The following MAGI2 variants were observed in gnomAD, a reference collection of about 807,000 sequenced individuals.
The protein encoded by MAGI2 is membrane associated guanylate kinase, WW and PDZ domain containing 2, also known as membrane-associated guanylate kinase, WW and PDZ domain-containing protein 2.
Under a neutral mutation model 133.3 loss-of-function variants are expected in MAGI2, and 35 were observed. The observed-to-expected ratio is 0.26, with a 90% CI of 0.20 to 0.35. The LOEUF is 0.35. Among genes scored for constraint, MAGI2 ranks in the 10% least tolerant of loss-of-function variants. The probability of loss-of-function intolerance (pLI) is 1.00; values close to 1 mark genes in which losing one functional copy is unlikely to be tolerated. For missense variants in MAGI2, 1,636 were observed against 1,863.4 expected, an observed-to-expected ratio of 0.88 and a Z score of 2.25; for synonymous variants, 729 against 710.6, an observed-to-expected ratio of 1.03 and a Z score of -0.41.
At chr7:78,207,771 C>T (rs1787251466) in intron 10 of MAGI2, among the ~76,000 whole-genome samples, 1 of 152,214 alleles carries the variant, frequency 6.6e-6, no homozygotes, top group Non-Finnish European at 1.5e-5. Context: ...ACTGCCAGTA[C>T]TCAAACATCA....
At chr7:78,412,928 G>A (rs190006195) in intron 6 of MAGI2, among the ~76,000 whole-genome samples, 2 of 152,136 alleles carry the variant, frequency 1.3e-5, no homozygotes, top group Admixed American at 1.3e-4. Context: ...CTTCCGAAAG[G>A]TGGCTAACCA....
intron 2 of MAGI2, among the ~76,000 whole-genome samples, chr7:78,813,539 A>G (rs1463624190): frequency 2.0e-5 from 3 of 152,122 alleles, no homozygotes; most frequent in Admixed American, 2.0e-4. Context: ...TAATCCCAAC[A>G]CTTTGGGAGG....
At chr7:78,869,745 C>A (rs1328100978) in intron 2 of MAGI2, among the ~76,000 whole-genome samples, 1 of 152,166 alleles carries the variant, frequency 6.6e-6, no homozygotes, top group Non-Finnish European at 1.5e-5. Flanking sequence ...AGGCAGAAAT[C>A]TGCTCCTATA....
intron 1 of MAGI2, among the ~76,000 whole-genome samples, chr7:79,417,431 A>G (rs1846610347): frequency 6.6e-6 from 1 of 152,136 alleles, no homozygotes; most frequent in East Asian, 1.9e-4. Flanking sequence ...TATCTTGAAT[A>G]TCATATCTCT....
At chr7:78,453,462 G>A (rs780770607) in intron 6 of MAGI2, among the ~76,000 whole-genome samples, 6 of 152,204 alleles carry the variant, frequency 3.9e-5, no homozygotes, top group Admixed American at 6.5e-5. Context: ...TTTCTTTCTT[G>A]CAATAATGTC....
At chr7:79,370,592 A>G (rs1220060269) in intron 1 of MAGI2, among the ~76,000 whole-genome samples, 2 of 152,088 alleles carry the variant, frequency 1.3e-5, no homozygotes, top group Admixed American at 1.3e-4. Context: ...TGGGCCAGCC[A>G]GGTTTCACGT....
chr7:79,411,142 C>T (rs1323500120), intron 1 of MAGI2: 1 of 152,146 alleles, frequency 6.6e-6, no homozygotes, highest in Non-Finnish European at 1.5e-5. Context: ...CAATGATATC[C>T]TCAACCACCT....
chr7:78,385,889 G>C (rs1419417433), intron 6 of MAGI2, among the ~76,000 whole-genome samples: 2 of 152,156 alleles, frequency 1.3e-5, no homozygotes, highest in Non-Finnish European at 2.9e-5. Context: ...AGTGGGATCT[G>C]TTTTCATATA....
At chr7:78,603,131 C>G (rs924658162) in intron 3 of MAGI2, among the ~76,000 whole-genome samples, 1 of 152,006 alleles carries the variant, frequency 6.6e-6, no homozygotes, top group African/African-American at 2.4e-5. Flanking sequence ...ATTAAAGTGA[C>G]AGAATTACTG....
chr7:78,211,471 G>A (rs569977675), intron 10 of MAGI2, among the ~76,000 whole-genome samples: 4 of 152,182 alleles, frequency 2.6e-5, no homozygotes, highest in Admixed American at 2.6e-4. Context: ...ACATATATGG[G>A]TGGGCACATG....
At chr7:79,439,453 C>T (rs1015197742) in intron 1 of MAGI2, among the ~76,000 whole-genome samples, 1 of 152,098 alleles carries the variant, frequency 6.6e-6, no homozygotes, top group Non-Finnish European at 1.5e-5. Flanking sequence ...AAGATCCACA[C>T]TCTCTATATT....
At chr7:79,112,244 C>T (rs1018332932) in intron 1 of MAGI2, among the ~76,000 whole-genome samples, 2 of 152,106 alleles carry the variant, frequency 1.3e-5, no homozygotes, top group Non-Finnish European at 2.9e-5. Flanking sequence ...CTCATCAGCA[C>T]AGCAATATGA....
intron 2 of MAGI2, among the ~76,000 whole-genome samples, chr7:79,006,310 C>G (rs1484926414): frequency 6.6e-6 from 1 of 152,172 alleles, no homozygotes; most frequent in African/African-American, 2.4e-5. Context: ...ACAACATCCA[C>G]AGCCCAGAAT....
chr7:78,613,498 T>TA (rs1806702277), intron 3 of MAGI2, among the ~76,000 whole-genome samples: 1 of 152,198 alleles, frequency 6.6e-6, no homozygotes, highest in African/African-American at 2.4e-5. Flanking sequence ...TTCTAGGATA[T>TA]AAAGTTGAAC....
chr7:78,657,008 A>G (rs1425633982), intron 2 of MAGI2, among the ~76,000 whole-genome samples: 1 of 151,952 alleles, frequency 6.6e-6, no homozygotes. Flanking sequence ...AAAAAAAGGA[A>G]ATAGGCCAAA....
intron 2 of MAGI2, among the ~76,000 whole-genome samples, chr7:78,976,926 C>T (rs1804312013): frequency 6.6e-6 from 1 of 151,252 alleles, no homozygotes; most frequent in Non-Finnish European, 1.5e-5. Context: ...AATTACAAAG[C>T]AATGAGGAAG....
intron 2 of MAGI2, among the ~76,000 whole-genome samples, chr7:78,721,500 C>A (rs1585192075): frequency 6.6e-6 from 1 of 151,918 alleles, no homozygotes; most frequent in East Asian, 1.9e-4. Context: ...GAATAGATAT[C>A]CCCTTATCAC....
intron 10 of MAGI2, among the ~76,000 whole-genome samples, chr7:78,218,749 T>A (rs1340854235): frequency 1.3e-5 from 2 of 152,240 alleles, no homozygotes; most frequent in African/African-American, 2.4e-5. Flanking sequence ...GGGTCTGTTT[T>A]GCTTTCTGAA....
chr7:79,288,596 T>A (rs1168935290), intron 1 of MAGI2, among the ~76,000 whole-genome samples: 1 of 152,154 alleles, frequency 6.6e-6, no homozygotes, highest in Non-Finnish European at 1.5e-5. Flanking sequence ...GAATCAGAAT[T>A]GTATAATAAA....
Sources: gnomAD v4.1 joint callset for allele counts (sites outside exome capture counted in the v4.1 genomes callset) on GRCh38, gnomAD v4.1.1 for gene constraint, MANE v1.5 for transcripts, NCBI Gene and HGNC (gene_info 2026-07-23, HGNC 2026-07-21) for gene names.